The following PLCG2 variants were observed in gnomAD, a reference collection of about 807,000 sequenced individuals.
PLCG2 encodes the protein phospholipase C gamma 2, also known as 1-phosphatidylinositol 4,5-bisphosphate phosphodiesterase gamma-2.
A neutral mutation model predicts 175.6 loss-of-function variants in PLCG2; 69 were observed. The observed-to-expected ratio is 0.39, with a 90% CI of 0.32 to 0.48. The LOEUF (loss-of-function observed/expected upper bound fraction) is 0.48, where lower values mean the gene tolerates loss of function less well. Ranked by LOEUF, PLCG2 falls within the 20% of genes least tolerant of loss-of-function variation. PLCG2 has a pLI of 0.91. For missense variants in PLCG2, 1,798 were observed against 1,650.9 expected (o/e 1.09, Z -1.54); for synonymous variants, 827 against 624.0 (o/e 1.33, Z -4.85).
chr16:81,890,227 C>T (rs1415390778), intron 10 of PLCG2, among the ~76,000 whole-genome samples: 3 of 152,184 alleles, frequency 2.0e-5, no homozygotes, highest in African/African-American at 7.2e-5. Context: ...ACCAGTTAGT[C>T]TCCACCTTAG....
At position 81,908,429 on chromosome 16, in the gene PLCG2, C is replaced by T; in HGVS notation, c.1571C>T (p.Thr524Ile). 1 of 1,613,908 alleles carries T rather than the reference C, an allele frequency of 6.2e-7. No homozygotes were observed. The highest frequency in any genetic ancestry group is 8.5e-7 in the Non-Finnish European group (1 of 1,179,892). Residue 524 changes from threonine (T) to isoleucine (I), a missense_variant, in exon 17 of 33, where the codon ACA (threonine) becomes ATA (isoleucine). Physicochemically the swap from Thr to Ile is moderately conservative, Grantham distance 89 (BLOSUM62 -1). Transcript: ENST00000564138. ...TTTGCGGCCCAGGATATACCCCCTA[C>T]AGAACTACATTTTGGGGAGAAATGG... is the stretch of plus-strand genomic sequence containing the variant. ...EEEVPQDIPPTELHFGEKWFH... is the reference protein window; with the variant it reads ...EEEVPQDIPPIELHFGEKWFH...
At chr16:81,879,489 C>A (rs1346273416) in intron 7 of PLCG2, among the ~76,000 whole-genome samples, 1 of 152,178 alleles carries the variant, frequency 6.6e-6, no homozygotes, top group Non-Finnish European at 1.5e-5. Context: ...GAAACACACA[C>A]CCACACAAAC....
chr16:81,899,712 A>G (rs538339321), intron 13 of PLCG2, among the ~76,000 whole-genome samples: 1 of 152,320 alleles, frequency 6.6e-6, no homozygotes, highest in East Asian at 1.9e-4. Flanking sequence ...GTTCCTGAGC[A>G]GGAGAAGGCT....
intron 1 of PLCG2, among the ~76,000 whole-genome samples, chr16:81,780,651 T>A (rs11643895): frequency 0.85 from 128,728 of 152,184 alleles, 54,519 homozygotes; most frequent in South Asian, 0.95. Flanking sequence ...CCTCTGGAAG[T>A]GGAAAAGCAC....
intron 2 of PLCG2, among the ~76,000 whole-genome samples, chr16:81,837,647 T>C (rs1440773241): frequency 1.3e-5 from 2 of 151,386 alleles, no homozygotes; most frequent in African/African-American, 4.9e-5. Context: ...TCCGTCTTCC[T>C]GATTATGACA....
chr16:81,894,581 G>A (rs1471540191), intron 12 of PLCG2, among the ~76,000 whole-genome samples: 2 of 152,122 alleles, frequency 1.3e-5, no homozygotes, highest in Non-Finnish European at 2.9e-5. Flanking sequence ...GCTGAGAAAA[G>A]GCAACAACCA....
rs1404271548 is a variant in PLCG2, at chr16:81,836,136, T to C, written c.194-18308T>C. Among the ~76,000 whole-genome samples, 5 of 152,234 alleles carry C rather than the reference T, an allele frequency of 3.3e-5. No homozygotes were observed. The East Asian group carries it at 9.6e-4, about 29-fold the overall frequency. ...ACCAAGGACAAGACCAGAGTCATTT[T>C]CATCCTGAATTGGTGTCAACTAGTG... On this transcript the variant is annotated intron_variant, in intron 2 of 32. Coordinates refer to ENST00000564138, the MANE Select transcript of PLCG2 (RefSeq NM_002661.5).
chr16:81,956,917 G>T lies in PLCG2; in HGVS notation c.3755+38G>T, dbSNP rs199988921. On this transcript the variant is annotated intron_variant, in intron 32 of 32. Transcript: ENST00000564138. ...CTCCACCTGCAAAAACTTTTGGGGG[G>T]TCTCTAGGCACGGTGATGATGGGCA... 5.5e-5 allele frequency: 86 copies of T among 1,567,158 alleles called. No individual in the cohort carries two copies. The East Asian group carries it at 1.1e-3, about 20-fold the overall frequency.
intron 1 of PLCG2, among the ~76,000 whole-genome samples, chr16:81,754,267 C>T (rs1263427496): frequency 1.4e-5 from 2 of 146,510 alleles, no homozygotes; most frequent in East Asian, 4.1e-4. Flanking sequence ...CTTCCCTCCC[C>T]ATCTCATTCC....
At chr16:81,937,098 T>G (rs574421214) in intron 27 of PLCG2, among the ~76,000 whole-genome samples, 1 of 152,334 alleles carries the variant, frequency 6.6e-6, no homozygotes, top group East Asian at 1.9e-4. Flanking sequence ...TTGATCAACT[T>G]TGCCCTGAGG....
chr16:81,942,764 G>A (rs898176681), intron 30 of PLCG2, among the ~76,000 whole-genome samples: 4 of 152,168 alleles, frequency 2.6e-5, no homozygotes, highest in Admixed American at 1.3e-4. Context: ...TCAAACCCAG[G>A]AATGTCTAAT....
chr16:81,910,533 G>A lies in PLCG2; in HGVS notation c.1747G>A (p.Val583Ile), dbSNP rs1909573931. 3.1e-6 allele frequency: 5 copies of A among 1,613,982 alleles called. No individual in the cohort carries two copies. The highest frequency in any genetic ancestry group is 4.2e-6 in the Non-Finnish European group (5 of 1,179,956). ...CTCTCCCCGCAGGCGGTCAGGCCGG[G>A]TCCAGCACTGCCGGATCCGCTCCAC... is the stretch of plus-strand genomic sequence containing the variant. ...YTLSFWRSGR[V>I]QHCRIRSTME... is the part of the protein sequence containing the mutation. The change falls in exon 18 of 33, where the codon GTC becomes ATC. Residue 583 changes from valine (V) to isoleucine (I), a missense_variant. Val to Ile is a conservative substitution (Grantham distance 29, BLOSUM62 3). Coordinates refer to ENST00000564138, the MANE Select transcript of PLCG2 (RefSeq NM_002661.5).
At position 81,893,691 on chromosome 16, in the gene PLCG2, C is replaced by T. The variant is rs763816323; in HGVS notation, c.987-18C>T. 11 of 1,573,260 alleles carry T rather than the reference C, an allele frequency of 7.0e-6. No homozygotes were observed. Among genetic ancestry groups the T allele is most frequent in the South Asian group, 4.4e-5 (4 of 90,256 alleles). ...GTGGCTGCCACTCTCACACGGCCAC[C>T]TGCCTTCTCTCCTGCAGGTACCTTA... On this transcript the variant is annotated intron_variant, in intron 11 of 32. Transcript: ENST00000564138.
At chr16:81,755,762 G>A (rs1231130245) in intron 1 of PLCG2, 1 of 152,340 alleles carries the variant, frequency 6.6e-6, no homozygotes, top group South Asian at 2.1e-4. Flanking sequence ...CTGACCTCAA[G>A]TGATCCGCCT....
intron 2 of PLCG2, among the ~76,000 whole-genome samples, chr16:81,851,268 C>G (rs1205425872): frequency 2.0e-5 from 3 of 152,250 alleles, no homozygotes; most frequent in Non-Finnish European, 2.9e-5. Context: ...GTGATAACAT[C>G]TTTCATAACC....
At chr16:81,919,917 C>A (rs966956040) in intron 20 of PLCG2, among the ~76,000 whole-genome samples, 2 of 152,152 alleles carry the variant, frequency 1.3e-5, no homozygotes, top group Admixed American at 1.3e-4. Context: ...TGGAGAAAAA[C>A]ACTGGGCAGG....
intron 15 of PLCG2, among the ~76,000 whole-genome samples, 196 bp downstream of exon 15, chr16:81,905,703 G>A (rs540168362): frequency 6.6e-6 from 1 of 152,262 alleles, no homozygotes; most frequent in East Asian, 1.9e-4. Context: ...CTGTCGCCCA[G>A]GCTGGAGTGT....
chr16:81,921,604 T>C (rs1910064785), intron 21 of PLCG2: 3 of 369,758 alleles, frequency 8.1e-6, no homozygotes, highest in South Asian at 2.2e-5. Context: ...TTCCATTTGG[T>C]TCACTGACCT....
chr16:81,927,245 G>A, intron 23 of PLCG2, 67 bp downstream of exon 23: 1 of 1,088,514 alleles, frequency 9.2e-7, no homozygotes, highest in Admixed American at 1.7e-5. Context: ...TCAGGGAGCT[G>A]TGCCATCTCA....
Sources: allele counts gnomAD v4.1 joint callset (sites outside exome capture counted in the v4.1 genomes callset), GRCh38; gene constraint gnomAD v4.1.1; transcripts MANE v1.5; gene names NCBI Gene and HGNC (gene_info 2026-07-23, HGNC 2026-07-21).